Variants in FEM1C observed in about 807,000 individuals in gnomAD.
FEM1C encodes protein fem-1 homolog C.
In FEM1C, 15 loss-of-function variants were observed where a neutral mutation model predicts 37.6. That is an observed-to-expected ratio of 0.40 (90% CI 0.27 to 0.61). The LOEUF (loss-of-function observed/expected upper bound fraction) is 0.61, where lower values mean the gene tolerates loss of function less well. Among genes scored for constraint, FEM1C ranks in the 20% least tolerant of loss-of-function variants. The probability of loss-of-function intolerance (pLI) is 0.42; values close to 1 mark genes in which losing one functional copy is unlikely to be tolerated. For missense variants in FEM1C, 532 were observed against 749.7 expected, an observed-to-expected ratio of 0.71 and a Z score of 3.39; for synonymous variants, 287 against 272.8, an observed-to-expected ratio of 1.05 and a Z score of -0.51.
chr5:115,532,448 AACC>A (rs1264832428), intron 2 of FEM1C, among the ~76,000 whole-genome samples: 4 of 152,052 alleles, frequency 2.6e-5, no homozygotes, highest in African/African-American at 9.7e-5. Context: ...TTAAGTGTAT[AACC>A]ACCACACTTT....
chr5:115,525,697 C>A (rs960822335), intron 2 of FEM1C, 80 bp from the exon 3 acceptor site: 2 of 1,142,644 alleles, frequency 1.8e-6, no homozygotes, highest in South Asian at 1.7e-5. Flanking sequence ...CACTTTAGAA[C>A]CTAAAGAAAA....
At position 115,524,465 on chromosome 5, in the gene FEM1C, T is replaced by C. The variant is rs1259487733; in HGVS notation, c.1697A>G (p.Asp566Gly). ...AGCTATTTCCTTCTCATCCAGCAAG[T>C]CACTAGCAGTTTGTTTGTGCAAGTT... The part of the protein sequence containing the change: ...ATNLHKQTAS[D>G]LLDEKEIAKN... Residue 566 changes from aspartate to glycine, a missense_variant, in exon 3 of 3, where the codon GAC (aspartate) becomes GGC (glycine). Transcript: ENST00000274457. 6.2e-7 allele frequency: 1 copy of C among 1,612,926 alleles called. No individual in the cohort carries two copies. The highest frequency in any genetic ancestry group is 8.5e-7 in the Non-Finnish European group (1 of 1,179,522).
intron 2 of FEM1C, among the ~76,000 whole-genome samples, chr5:115,535,652 C>G (rs1754110330): frequency 6.6e-6 from 1 of 151,860 alleles, no homozygotes; most frequent in African/African-American, 2.4e-5. Context: ...ACATTGCTGA[C>G]AGGAATGTAA....
chr5:115,544,763 C>A lies in FEM1C; in HGVS notation c.-431G>T, dbSNP rs1190001241. The A allele has an allele frequency of 6.6e-6, 1 of 152,578 alleles. No homozygotes were observed. The highest frequency in any genetic ancestry group is 1.5e-5 in the Non-Finnish European group (1 of 68,306). The allele number at this position is 152,578 out of a possible 1,614,324, so 9.5% of individuals were successfully genotyped here. ...ACTGCAGCGGCTGCAGCGACTGCTG[C>A]GACGGATGGTGTAATGGGCTGCGAG... On this transcript the variant is annotated 5_prime_UTR_variant, in exon 1 of 3. Transcript: ENST00000274457.
chr5:115,524,421 T>C lies in FEM1C; in HGVS notation c.1741A>G (p.Ile581Val), dbSNP rs776191455. Residue 581 changes from isoleucine (I) to valine (V), a missense_variant, in exon 3 of 3, where the codon ATA (isoleucine) becomes GTA (valine). Ile to Val is a conservative substitution (Grantham distance 29, BLOSUM62 3). Around this residue, in one of 3 missense-constraint regions of FEM1C, gnomAD observed 237 missense variants for 260.5 expected, o/e 0.91. Coordinates refer to ENST00000274457, the MANE Select transcript of FEM1C (RefSeq NM_020177.3). ...KEIAKNLIQP[I>V]NHTTLQCLAA... ...AGACACTGCAATGTGGTATGATTTATAGGCTGGATTAAATTTTTAGCTATT... is the reference window on the plus strand; with the variant it reads ...AGACACTGCAATGTGGTATGATTTACAGGCTGGATTAAATTTTTAGCTATT... 3 of 1,613,556 alleles carry C rather than the reference T, an allele frequency of 1.9e-6. No individual in the cohort carries two copies. Among genetic ancestry groups the C allele is most frequent in the Admixed American group, 1.7e-5 (1 of 59,906 alleles).
At position 115,525,282 on chromosome 5, in the gene FEM1C, T is replaced by C; in HGVS notation, c.880A>G (p.Met294Val). 1 of 1,613,724 alleles carries C rather than the reference T, an allele frequency of 6.2e-7. No homozygotes were observed. The highest frequency in any genetic ancestry group is 8.5e-7 in the Non-Finnish European group (1 of 1,179,826). The change falls in exon 3 of 3, where the codon ATG becomes GTG. Residue 294 changes from methionine to valine, a missense_variant. Coordinates refer to ENST00000274457, the MANE Select transcript of FEM1C (RefSeq NM_020177.3). Reference protein sequence around the residue: ...ISKPVPQTLIMAYDYAKEVNS... With the variant: ...ISKPVPQTLIVAYDYAKEVNS... ...ACTTCCTTGGCATAATCATAAGCCA[T>C]TATTAGTGTCTGTGGCACTGGTTTA...
chr5:115,532,607 T>C (rs1285324207), intron 2 of FEM1C, among the ~76,000 whole-genome samples: 1 of 152,088 alleles, frequency 6.6e-6, no homozygotes, highest in African/African-American at 2.4e-5. Flanking sequence ...TCTTTTTATA[T>C]AGTATGCTTT....
At position 115,521,749 on chromosome 5, in the gene FEM1C, C is replaced by A. The variant is rs1753780543; in HGVS notation, c.*2559G>T. On this transcript the variant is annotated 3_prime_UTR_variant, in exon 3 of 3. Transcript: ENST00000274457. ...TACTCATCTGTGGTTCAAAAAATAACACAAATTTAAGTATTTTATTATAAT... is the reference window on the plus strand; with the variant it reads ...TACTCATCTGTGGTTCAAAAAATAAAACAAATTTAAGTATTTTATTATAAT... 6.7e-6 allele frequency: 1 copy of A among 150,238 alleles called. No homozygotes were observed. Among genetic ancestry groups the A allele is most frequent in the African/African-American group, 2.5e-5 (1 of 40,708 alleles). The allele number at this position is 150,238 out of a possible 1,614,324, so 9.3% of individuals were successfully genotyped here.
intron 2 of FEM1C, among the ~76,000 whole-genome samples, chr5:115,526,769 G>A (rs974215260): frequency 2.0e-5 from 3 of 152,128 alleles, no homozygotes; most frequent in African/African-American, 4.8e-5. Context: ...CCTTTGGCTG[G>A]TAGCTGGGAA....
At chr5:115,529,734 G>T (rs1404676053) in intron 2 of FEM1C, among the ~76,000 whole-genome samples, 1 of 151,996 alleles carries the variant, frequency 6.6e-6, no homozygotes, top group Non-Finnish European at 1.5e-5. Context: ...AGGGTAATTG[G>T]TGTTAACGTG....
chr5:115,544,240 C>A (rs979308462), intron 1 of FEM1C: 1 of 940,980 alleles, frequency 1.1e-6, no homozygotes, highest in Non-Finnish European at 1.3e-6. Context: ...ATTAACTTCG[C>A]CCGCCCCATT....
At position 115,524,553 on chromosome 5, in the gene FEM1C, G is replaced by C; in HGVS notation, c.1609C>G (p.Leu537Val). Residue 537 changes from leucine to valine, a missense_variant, in exon 3 of 3, where the codon CTT becomes GTT. Transcript: ENST00000274457. ...DDNSPLHIAA[L>V]NNHPDIMNLL... ...TTCATGATGTCTGGATGGTTGTTAA[G>C]AGCAGCGATATGCAGGGGACTGTTG... 1 of 1,613,442 alleles carries C rather than the reference G, an allele frequency of 6.2e-7. No homozygotes were observed. Among genetic ancestry groups the C allele is most frequent in the Non-Finnish European group, 8.5e-7 (1 of 1,179,668 alleles).
rs1753802845 is a variant in FEM1C, at chr5:115,522,805, A to G, written c.*1503T>C. ...CTTCATTAAGACATTTGCAGGGCAAATATGCCATCATAAATTTTATTCTGA... is the reference window on the plus strand; with the variant it reads ...CTTCATTAAGACATTTGCAGGGCAAGTATGCCATCATAAATTTTATTCTGA... On this transcript the variant is annotated 3_prime_UTR_variant, in exon 3 of 3. Transcript: ENST00000274457. 1 of 152,486 alleles carries G rather than the reference A, an allele frequency of 6.6e-6. No homozygotes were observed. The highest frequency in any genetic ancestry group is 2.4e-5 in the African/African-American group (1 of 41,464). The allele number at this position is 152,486 out of a possible 1,614,324, so 9.4% of individuals were successfully genotyped here. A position where few individuals can be genotyped will look rare whatever the true frequency, so the allele number is the denominator to read the frequency against.
chr5:115,540,405 A>ACACT (rs753154812), intron 2 of FEM1C, among the ~76,000 whole-genome samples: 6 of 152,084 alleles, frequency 3.9e-5, no homozygotes, highest in Non-Finnish European at 8.8e-5. Flanking sequence ...TATAAAGTTG[A>ACACT]GGTTACGAGA....
chr5:115,537,326 G>A (rs1001475389), intron 2 of FEM1C, among the ~76,000 whole-genome samples: 4 of 151,964 alleles, frequency 2.6e-5, no homozygotes, highest in Non-Finnish European at 5.9e-5. Context: ...CATTGTACCC[G>A]AAGGCCAGTA....
chr5:115,543,065 T>G lies in FEM1C; in HGVS notation c.429A>C (p.Glu143Asp). The change falls in exon 2 of 3, where the codon GAA becomes GAC. Residue 143 changes from glutamate (E) to aspartate (D), a missense_variant. Glu to Asp is a conservative substitution (Grantham distance 45). Coordinates refer to ENST00000274457, the MANE Select transcript of FEM1C (RefSeq NM_020177.3). Reference protein sequence around the residue: ...KYLVEHKADLEVSNRHGHTCL... With the variant: ...KYLVEHKADLDVSNRHGHTCL... ...ACGTATGCCCATGTCGGTTTGACAC[T>G]TCCAAATCAGCTTTGTGTTCTACAA... The G allele has an allele frequency of 6.2e-7, 1 of 1,614,248 alleles. No homozygotes were observed. The highest frequency in any genetic ancestry group is 8.5e-7 in the Non-Finnish European group (1 of 1,180,040).
At chr5:115,532,756 T>G (rs899230086) in intron 2 of FEM1C, among the ~76,000 whole-genome samples, 2 of 152,096 alleles carry the variant, frequency 1.3e-5, no homozygotes, top group African/African-American at 4.8e-5. Flanking sequence ...AATGGTTTTA[T>G]GGTGAAAGTT....
At chr5:115,541,557 C>T (rs561892206) in intron 2 of FEM1C, among the ~76,000 whole-genome samples, 3 of 152,232 alleles carry the variant, frequency 2.0e-5, no homozygotes, top group African/African-American at 4.8e-5. Context: ...GGTATTTATA[C>T]TACAGTTATT....
At chr5:115,530,213 C>T (rs1456851966) in intron 2 of FEM1C, among the ~76,000 whole-genome samples, 1 of 151,556 alleles carries the variant, frequency 6.6e-6, no homozygotes, top group African/African-American at 2.4e-5. Context: ...AAAAAAATGC[C>T]CTTTGCAAAA....
Sources: allele counts gnomAD v4.1 joint callset (sites outside exome capture counted in the v4.1 genomes callset), GRCh38; gene constraint gnomAD v4.1.1; regional missense constraint gnomAD v4.1.1; transcripts MANE v1.5; gene names NCBI Gene and HGNC (gene_info 2026-07-23, HGNC 2026-07-21).